FANCI: variants seen among roughly 807,000 people sequenced by gnomAD.
FANCI encodes Fanconi anemia group I protein.
A neutral mutation model predicts 176.1 loss-of-function variants in FANCI; 156 were observed. The observed-to-expected ratio is 0.89, with a 90% CI of 0.78 to 1.01. The LOEUF is 1.01. Among genes scored for constraint, FANCI ranks in the 50% least tolerant of loss-of-function variants. FANCI has a pLI of 0.00. For missense variants in FANCI, 1,678 were observed against 1,534.1 expected, an observed-to-expected ratio of 1.09 and a Z score of -1.57; for synonymous variants, 613 against 541.7, an observed-to-expected ratio of 1.13 and a Z score of -1.83.
intron 27 of FANCI, among the ~76,000 whole-genome samples, chr15:89,302,273 T>A (rs2151871830): frequency 6.6e-6 from 1 of 152,278 alleles, no homozygotes; most frequent in South Asian, 2.1e-4. Context: ...TCGTCCTACT[T>A]CCAGGTTTGC....
At chr15:89,250,718 TAAAA>T (rs938833878) in intron 2 of FANCI, among the ~76,000 whole-genome samples, 1 of 149,482 alleles carries the variant, frequency 6.7e-6, no homozygotes, top group Admixed American at 6.7e-5. Context: ...TATATAAAAA[TAAAA>T]AAATACCTTC....
chr15:89,291,908 C>G (rs2054084867), intron 20 of FANCI, among the ~76,000 whole-genome samples, 194 bp downstream of exon 20: 1 of 152,106 alleles, frequency 6.6e-6, no homozygotes, highest in African/African-American at 2.4e-5. Flanking sequence ...CCATGTTAGC[C>G]CTTTACTAAA....
intron 26 of FANCI, 116 bp from the exon 27 acceptor site, chr15:89,301,210 T>C (rs2054513838): frequency 1.3e-6 from 1 of 789,328 alleles, no homozygotes. Flanking sequence ...TCTTAGAATT[T>C]TGGTAGCTTT....
Position 89,303,950 on chromosome 15 carries a change from T to C in FANCI, c.3058+35T>C, listed in dbSNP as rs74034405. 1,326 of 1,601,606 alleles carry C rather than the reference T, an allele frequency of 8.3e-4. 13 individuals carry two copies. The African/African-American group carries it at 0.015, about 18-fold the overall frequency. On this transcript the variant is annotated intron_variant, in intron 28 of 37. Coordinates refer to ENST00000310775, the MANE Select transcript of FANCI (RefSeq NM_001113378.2). ...CTGCCATGTTTTCCTAAAGGCTTTA[T>C]ATAAAATCACTATCCTCCAGTGGCA...
chr15:89,317,214 T>C, downstream of FANCI: 2 of 672,336 alleles, frequency 3.0e-6, no homozygotes, highest in Non-Finnish European at 5.3e-6. Flanking sequence ...TCATATCACA[T>C]TCACTCTGGA....
chr15:89,271,727 C>T (rs1359345341), intron 10 of FANCI, among the ~76,000 whole-genome samples: 3 of 152,194 alleles, frequency 2.0e-5, no homozygotes, highest in African/African-American at 7.2e-5. Flanking sequence ...TCAAGTGATC[C>T]TCCTGCCTCA....
rs1319284125 is a variant in FANCI, at chr15:89,305,013, T to C, written c.3059-102T>C. ...CTGGTCTTGAATTCCTGACCTCAGG[T>C]GATCCACCCGCCTTGGCCTCCCAAA... On this transcript the variant is annotated intron_variant, in intron 28 of 37. Transcript: ENST00000310775. 7 of 1,352,834 alleles carry C rather than the reference T, an allele frequency of 5.2e-6. No individual in the cohort carries two copies. In the Admixed American group the frequency reaches 1.2e-4, roughly 23 times the overall value. 83.8% of individuals were successfully genotyped at this position (1,352,834 alleles called of 1,614,324 possible).
chr15:89,250,691 T>A (rs2052206314), intron 2 of FANCI, among the ~76,000 whole-genome samples: 1 of 150,202 alleles, frequency 6.7e-6, no homozygotes. Flanking sequence ...ACTTAAAGTA[T>A]AATAAAAATA....
At chr15:89,283,366 G>C (rs904936890) in intron 17 of FANCI, 116 bp downstream of exon 17, 1 of 1,471,086 alleles carries the variant, frequency 6.8e-7, no homozygotes, top group African/African-American at 1.4e-5. Context: ...TAGAACTAAA[G>C]AGTCTGATGA....
Position 89,247,881 on chromosome 15 carries a change from A to G in FANCI, c.84+150A>G, listed in dbSNP as rs28551554. On this transcript the variant is annotated intron_variant, in intron 2 of 37. Transcript: ENST00000310775. ...GGATTTATTTAATAATAATTTATAGATGTAAAGAAATTGGGGTGAGGGAAT... is the reference window on the plus strand; with the variant it reads ...GGATTTATTTAATAATAATTTATAGGTGTAAAGAAATTGGGGTGAGGGAAT... The G allele has an allele frequency of 3.3e-3, 2,223 of 678,348 alleles. 31 individuals carry two copies. Among genetic ancestry groups the G allele is most frequent in the African/African-American group, 0.031 (1,742 of 55,618 alleles). 42.0% of individuals were successfully genotyped at this position (678,348 alleles called of 1,614,324 possible). A position where few individuals can be genotyped will look rare whatever the true frequency, so the allele number is the denominator to read the frequency against.
In FANCI at chr15:89,316,700, C is replaced by T; in HGVS notation, c.*241C>T. The T allele has an allele frequency of 7.3e-7, 1 of 1,368,346 alleles. No homozygotes were observed. Among genetic ancestry groups the T allele is most frequent in the Non-Finnish European group, 1.0e-6 (1 of 965,280 alleles). The allele number at this position is 1,368,346 out of a possible 1,614,324, so 84.8% of individuals were successfully genotyped here. Reference sequence around the variant, plus strand: ...CTGAAAGCCTGAGTTTGGGAGCCTGCACCACCCCGATGAAGCTCCACGGGA... The same window carrying T: ...CTGAAAGCCTGAGTTTGGGAGCCTGTACCACCCCGATGAAGCTCCACGGGA... On this transcript the variant is annotated 3_prime_UTR_variant, in exon 38 of 38. Transcript: ENST00000310775.
At chr15:89,262,180 A>G (rs888277169) in intron 6 of FANCI, among the ~76,000 whole-genome samples, 2 of 152,138 alleles carry the variant, frequency 1.3e-5, no homozygotes, top group Non-Finnish European at 2.9e-5. Context: ...CAATCTAAGC[A>G]TTATTGGAGT....
At chr15:89,258,621 A>G (rs1206178528) in intron 2 of FANCI, 83 bp from the exon 3 acceptor site, 2 of 1,006,240 alleles carry the variant, frequency 2.0e-6, no homozygotes, top group Non-Finnish European at 3.2e-6. Flanking sequence ...ACGTGACAGA[A>G]GAGTACTTTT....
At position 89,290,148 on chromosome 15, in the gene FANCI, T is replaced by C. The variant is rs529486805; in HGVS notation, c.1822-65T>C. ...GATAAAGAAAGTGTTATTTTTAAGT[T>C]ATGATTGTCCAGATCACTAGTATCT... On this transcript the variant is annotated intron_variant, in intron 18 of 37. Transcript: ENST00000310775. 154 of 1,272,692 alleles carry C rather than the reference T, an allele frequency of 1.2e-4. 1 individual carries two copies. In the East Asian group the frequency reaches 3.2e-3, roughly 27 times the overall value. The allele number at this position is 1,272,692 out of a possible 1,614,324, so 78.8% of individuals were successfully genotyped here. A position where few individuals can be genotyped will look rare whatever the true frequency, so the allele number is the denominator to read the frequency against.
intron 34 of FANCI, among the ~76,000 whole-genome samples, chr15:89,309,742 G>C (rs764710077): frequency 6.6e-6 from 1 of 152,182 alleles, no homozygotes; most frequent in Non-Finnish European, 1.5e-5. Context: ...ACAGTGCTGA[G>C]AGTTCCAACA....
chr15:89,317,153 G>GACAGGTACA (rs1359671469), downstream of FANCI: 1 of 606,526 alleles, frequency 1.6e-6, no homozygotes. Flanking sequence ...TGAAGTAGGG[G>GACAGGTACA]ACAGGTACAG....
intron 14 of FANCI, among the ~76,000 whole-genome samples, chr15:89,279,986 A>T (rs771800849): frequency 6.6e-6 from 1 of 152,114 alleles, no homozygotes; most frequent in Non-Finnish European, 1.5e-5. Context: ...TGACTACAGA[A>T]TCATCAATAT....
intron 4 of FANCI, 57 bp from the exon 5 acceptor site, chr15:89,261,528 A>G: frequency 6.2e-7 from 1 of 1,603,106 alleles, no homozygotes; most frequent in East Asian, 2.2e-5. Context: ...TTTCTTAGAA[A>G]GATTTATCAA....
chr15:89,300,188 A>T, intron 25 of FANCI, 112 bp from the exon 26 acceptor site: 1 of 1,182,832 alleles, frequency 8.5e-7, no homozygotes, highest in Non-Finnish European at 1.2e-6. Context: ...AAATTTTAGA[A>T]ATTTAAGTCT....
Sources: gnomAD v4.1 joint callset for allele counts (sites outside exome capture counted in the v4.1 genomes callset) on GRCh38, gnomAD v4.1.1 for gene constraint, MANE v1.5 for transcripts, NCBI Gene and HGNC (gene_info 2026-07-23, HGNC 2026-07-21) for gene names.